ARHGAP42: variants seen among roughly 807,000 people sequenced by gnomAD.
ARHGAP42 encodes rho GTPase-activating protein 42.
In ARHGAP42, 63 loss-of-function variants were observed where a neutral mutation model predicts 125.0. That is an observed-to-expected ratio of 0.50 (90% CI 0.41 to 0.62). The LOEUF (loss-of-function observed/expected upper bound fraction) is 0.62. Ranked by LOEUF, ARHGAP42 falls within the 20% of genes least tolerant of loss-of-function variation. ARHGAP42 has a pLI of 0.00. For synonymous variants in ARHGAP42, 339 were observed against 351.0 expected, an observed-to-expected ratio of 0.97 and a Z score of 0.38; for missense variants, 766 against 1,024.2, an observed-to-expected ratio of 0.75 and a Z score of 3.44.
At chr11:100,787,571 C>T (rs1433790417) in intron 2 of ARHGAP42, among the ~76,000 whole-genome samples, 1 of 152,194 alleles carries the variant, frequency 6.6e-6, no homozygotes, top group Non-Finnish European at 1.5e-5. Flanking sequence ...GACTTGGTCA[C>T]AAGTTCTGAA....
chr11:100,827,493 G>A (rs1253112319), intron 3 of ARHGAP42, among the ~76,000 whole-genome samples: 1 of 152,178 alleles, frequency 6.6e-6, no homozygotes, highest in Non-Finnish European at 1.5e-5. Context: ...CTAACCCAAA[G>A]GTGCATGGAT....
At chr11:100,978,323 A>T (rs960271898) in intron 21 of ARHGAP42, among the ~76,000 whole-genome samples, 1 of 152,182 alleles carries the variant, frequency 6.6e-6, no homozygotes, top group African/African-American at 2.4e-5. Context: ...ATTTTTTAAA[A>T]ATCTAGCTTA....
chr11:100,933,894 T>C (rs1867654265), intron 7 of ARHGAP42, among the ~76,000 whole-genome samples: 1 of 152,034 alleles, frequency 6.6e-6, no homozygotes, highest in Admixed American at 6.5e-5. Flanking sequence ...TTCAAGCAAT[T>C]CTCCTGCCTC....
intron 19 of ARHGAP42, 109 bp downstream of exon 19, chr11:100,974,712 T>C: frequency 8.8e-7 from 1 of 1,136,696 alleles, no homozygotes; most frequent in Non-Finnish European, 1.2e-6. Flanking sequence ...TGATGCTCTT[T>C]CCCCAACACC....
At chr11:100,743,351 C>A (rs907491397) in intron 1 of ARHGAP42, among the ~76,000 whole-genome samples, 1 of 152,098 alleles carries the variant, frequency 6.6e-6, no homozygotes, top group African/African-American at 2.4e-5. Context: ...ATACAAAATT[C>A]TTGGTGACAG....
At chr11:100,744,205 G>A (rs61910506) in intron 1 of ARHGAP42, among the ~76,000 whole-genome samples, 198 of 152,272 alleles carry the variant, frequency 1.3e-3, no homozygotes, top group Non-Finnish European at 2.5e-3. Flanking sequence ...TCCTGACCTC[G>A]TGATCCACCC....
chr11:100,863,101 G>A (rs1487950899), intron 4 of ARHGAP42, among the ~76,000 whole-genome samples: 1 of 150,036 alleles, frequency 6.7e-6, no homozygotes, highest in Non-Finnish European at 1.5e-5. Flanking sequence ...AAAAAGGCAT[G>A]TTCTTCTGAA....
At chr11:100,737,579 C>T (rs560539537) in intron 1 of ARHGAP42, among the ~76,000 whole-genome samples, 3 of 152,252 alleles carry the variant, frequency 2.0e-5, no homozygotes, top group South Asian at 2.1e-4. Flanking sequence ...TTTCAACGTT[C>T]GCAGGTATTC....
chr11:100,925,808 A>G (rs914513483), intron 6 of ARHGAP42, among the ~76,000 whole-genome samples: 1 of 152,142 alleles, frequency 6.6e-6, no homozygotes, highest in African/African-American at 2.4e-5. Flanking sequence ...GGCTCATATT[A>G]TGTGTCTCTT....
At chr11:100,893,053 T>C (rs1269390280) in intron 4 of ARHGAP42, among the ~76,000 whole-genome samples, 1 of 152,170 alleles carries the variant, frequency 6.6e-6, no homozygotes, top group African/African-American at 2.4e-5. Flanking sequence ...GCTCATCATG[T>C]ATTCATCAGA....
chr11:100,709,887 G>T (rs1277920326), intron 1 of ARHGAP42, among the ~76,000 whole-genome samples: 2 of 152,188 alleles, frequency 1.3e-5, no homozygotes, highest in Non-Finnish European at 1.5e-5. Context: ...ATCTTTTAAA[G>T]AATTTTTCCT....
intron 2 of ARHGAP42, among the ~76,000 whole-genome samples, chr11:100,778,289 C>T (rs193189077): frequency 2.6e-5 from 4 of 151,982 alleles, no homozygotes; most frequent in African/African-American, 7.2e-5. Flanking sequence ...CAGCTGAACT[C>T]TTCTAAAAGA....
intron 4 of ARHGAP42, among the ~76,000 whole-genome samples, chr11:100,884,533 A>G (rs1393704315): frequency 2.0e-5 from 3 of 152,148 alleles, no homozygotes; most frequent in African/African-American, 4.8e-5. Flanking sequence ...CTAGCTAGCA[A>G]ATTGGTACAA....
At chr11:100,778,678 C>A (rs747172308) in intron 2 of ARHGAP42, among the ~76,000 whole-genome samples, 1 of 151,966 alleles carries the variant, frequency 6.6e-6, no homozygotes. Context: ...TTAAAAAAAA[C>A]ACGCTGCTTG....
intron 1 of ARHGAP42, among the ~76,000 whole-genome samples, chr11:100,688,970 C>A (rs974307224): frequency 3.3e-5 from 5 of 151,910 alleles, no homozygotes; most frequent in African/African-American, 1.2e-4. Flanking sequence ...GATGTGTGCG[C>A]CTAAAACTGA....
At chr11:100,772,163 G>A (rs1328623324) in intron 2 of ARHGAP42, among the ~76,000 whole-genome samples, 1 of 152,068 alleles carries the variant, frequency 6.6e-6, no homozygotes, top group Non-Finnish European at 1.5e-5. Context: ...CACAGACCTC[G>A]CTGTGAAACA....
chr11:100,697,591 T>C (rs1861308280), intron 1 of ARHGAP42, among the ~76,000 whole-genome samples: 1 of 152,210 alleles, frequency 6.6e-6, no homozygotes, highest in African/African-American at 2.4e-5. Context: ...TGTAAATATA[T>C]ACTGGAGCTT....
chr11:100,973,831 T>C (rs1858318211), intron 18 of ARHGAP42, among the ~76,000 whole-genome samples: 1 of 152,188 alleles, frequency 6.6e-6, no homozygotes, highest in Non-Finnish European at 1.5e-5. Flanking sequence ...TTAAGCAAAT[T>C]GAACCATTTA....
At chr11:100,915,834 A>G (rs1158630003) in intron 5 of ARHGAP42, among the ~76,000 whole-genome samples, 2 of 152,190 alleles carry the variant, frequency 1.3e-5, no homozygotes, top group African/African-American at 4.8e-5. Context: ...AATGTAGACA[A>G]GGCAAAATGT....
Sources: gnomAD v4.1 joint callset for allele counts (sites outside exome capture counted in the v4.1 genomes callset) on GRCh38, gnomAD v4.1.1 for gene constraint, MANE v1.5 for transcripts, NCBI Gene and HGNC (gene_info 2026-07-23, HGNC 2026-07-21) for gene names.